The following PDZD2 variants were observed in gnomAD, a reference collection of about 807,000 sequenced individuals.
The protein encoded by PDZD2 is PDZ domain-containing protein 2.
A neutral mutation model predicts 220.7 loss-of-function variants in PDZD2; 90 were observed. The observed-to-expected ratio is 0.41, with a 90% confidence interval of 0.34 to 0.49. The LOEUF (loss-of-function observed/expected upper bound fraction) is 0.49, where lower values mean the gene tolerates loss of function less well. PDZD2 is among the 20% of genes least tolerant of loss of function. The pLI, the probability that PDZD2 is intolerant of heterozygous loss-of-function variation, is 0.28. For missense variants in PDZD2, 3,174 were observed against 3,608.5 expected (o/e 0.88, Z 3.08); for synonymous variants, 1,375 against 1,450.5 (o/e 0.95, Z 1.18).
intron 2 of PDZD2, among the ~76,000 whole-genome samples, chr5:31,968,301 T>G (rs138406097): frequency 6.6e-6 from 1 of 151,938 alleles, no homozygotes; most frequent in East Asian, 1.9e-4. Context: ...GAGGTTGCAG[T>G]GAGCCGAGAT....
chr5:31,921,482 G>A (rs1219219394), intron 2 of PDZD2, among the ~76,000 whole-genome samples: 1 of 152,002 alleles, frequency 6.6e-6, no homozygotes, highest in Non-Finnish European at 1.5e-5. Flanking sequence ...TTAGGAGTTC[G>A]AGACCAGCCT....
intron 2 of PDZD2, chr5:31,908,615 A>G (rs900960581): frequency 2.0e-5 from 20 of 1,019,620 alleles, no homozygotes; most frequent in Non-Finnish European, 2.3e-5. Context: ...AGAGAAGCCT[A>G]CAAGAAATAC....
chr5:32,102,103 T>A (rs1025631639), intron 24 of PDZD2, among the ~76,000 whole-genome samples: 4 of 151,978 alleles, frequency 2.6e-5, no homozygotes, highest in Non-Finnish European at 5.9e-5. Context: ...TGACCTATAG[T>A]GTTAATAGGA....
Position 31,921,106 on chromosome 5 carries a change from C to G in PDZD2, c.477-62049C>G, listed in dbSNP as rs142140050. On this transcript the variant is annotated intron_variant, in intron 2 of 24. Transcript: ENST00000438447. ...GCTCACTGTCTTTTCACAAAACATT[C>G]TGTCCCCCTTAAGAGGTTTCATGGA... 9.0e-3 allele frequency among the ~76,000 whole-genome samples: 1,371 copies of G among 152,306 alleles called. 17 individuals are homozygous for G. Among genetic ancestry groups the G allele is most frequent in the African/African-American group, 0.03 (1,255 of 41,558 alleles).
chr5:31,734,050 G>A (rs1749696257), intron 1 of PDZD2, among the ~76,000 whole-genome samples: 2 of 152,136 alleles, frequency 1.3e-5, no homozygotes, highest in Non-Finnish European at 2.9e-5. Context: ...TGTAAAATCA[G>A]AATTTCCAAA....
intron 1 of PDZD2, among the ~76,000 whole-genome samples, chr5:31,717,539 C>A (rs1748526469): frequency 1.3e-5 from 2 of 151,652 alleles, no homozygotes; most frequent in African/African-American, 4.9e-5. Context: ...CTTGTCCCTG[C>A]CTCCCTCCCC....
rs955506672 is a variant in PDZD2, at chr5:31,646,620, C to T, written c.-361+7183C>T. Among the ~76,000 whole-genome samples the T allele has an allele frequency of 1.3e-5, 2 of 152,198 alleles. No homozygotes were observed. Among genetic ancestry groups the T allele is most frequent in the Admixed American group, 6.5e-5 (1 of 15,274 alleles). The stretch of plus-strand genomic sequence containing the variant: ...CCCCCCACCACCCGCCCAACACCCT[C>T]TTTCTGGCACAGTGTGTTTTATGGA... On this transcript the variant is annotated intron_variant, in intron 1 of 24. Coordinates refer to ENST00000438447, the MANE Select transcript of PDZD2 (RefSeq NM_178140.4). This position sits in a 1 kb window ranked among gnomAD's most constrained non-coding sequence, Gnocchi z 4.7.
At chr5:31,828,514 G>A (rs1343723771) in intron 2 of PDZD2, among the ~76,000 whole-genome samples, 2 of 152,130 alleles carry the variant, frequency 1.3e-5, no homozygotes, top group Non-Finnish European at 2.9e-5. Flanking sequence ...TTAAGACAGG[G>A]TCTTCCGCTG....
chr5:31,845,997 G>A (rs560522563), intron 2 of PDZD2, among the ~76,000 whole-genome samples: 1 of 152,296 alleles, frequency 6.6e-6, no homozygotes, highest in African/African-American at 2.4e-5. Context: ...GTGTGCACTG[G>A]AAGATCACAA....
At chr5:31,910,278 G>A (rs949850341) in intron 2 of PDZD2, among the ~76,000 whole-genome samples, 1 of 133,514 alleles carries the variant, frequency 7.5e-6, no homozygotes, top group East Asian at 2.2e-4. Flanking sequence ...GGAGTACAAT[G>A]GTGTGACCTG....
chr5:31,800,456 C>T (rs1293134601), intron 2 of PDZD2, among the ~76,000 whole-genome samples: 1 of 152,174 alleles, frequency 6.6e-6, no homozygotes, highest in African/African-American at 2.4e-5. Flanking sequence ...ACCTGTGTGG[C>T]TGAGCTTAGC....
chr5:32,085,737 A>G (rs368760117), intron 19 of PDZD2, among the ~76,000 whole-genome samples: 27 of 152,064 alleles, frequency 1.8e-4, no homozygotes, highest in African/African-American at 6.3e-4. Context: ...GTGAGCCACC[A>G]TGCCCAGCCC....
At chr5:32,076,566 A>G (rs1433208105) in intron 18 of PDZD2, among the ~76,000 whole-genome samples, 4 of 152,066 alleles carry the variant, frequency 2.6e-5, no homozygotes, top group Non-Finnish European at 5.9e-5. Context: ...GGAAGAAAAA[A>G]CCTTCCTCTT....
At chr5:31,745,759 G>A (rs926559596) in intron 1 of PDZD2, among the ~76,000 whole-genome samples, 2 of 150,976 alleles carry the variant, frequency 1.3e-5, no homozygotes, top group African/African-American at 4.9e-5. Context: ...TGAATGTTCA[G>A]TGATCATCTT....
intron 1 of PDZD2, among the ~76,000 whole-genome samples, chr5:31,705,699 A>C (rs1580592935): frequency 6.6e-6 from 1 of 152,262 alleles, no homozygotes; most frequent in Non-Finnish European, 1.5e-5. Flanking sequence ...TAGAAATGGA[A>C]GAAATCAGGG....
At chr5:31,790,346 C>T (rs1353803909) in intron 1 of PDZD2, among the ~76,000 whole-genome samples, 2 of 152,230 alleles carry the variant, frequency 1.3e-5, no homozygotes, top group Non-Finnish European at 2.9e-5. Flanking sequence ...GATCCTCCCA[C>T]CTCGGCCTCC....
At chr5:31,753,776 C>T (rs10064729) in intron 1 of PDZD2, among the ~76,000 whole-genome samples, 4,606 of 152,258 alleles carry the variant, frequency 0.03, 207 homozygotes, top group African/African-American at 0.1. Flanking sequence ...TTTCAGGCAG[C>T]ATCACTGGGA....
intron 6 of PDZD2, among the ~76,000 whole-genome samples, chr5:32,020,006 TC>T (rs2112131462): frequency 6.6e-6 from 1 of 152,024 alleles, no homozygotes; most frequent in East Asian, 1.9e-4. Flanking sequence ...ATGTCTGTGG[TC>T]CACAAGCTGA....
At chr5:31,662,909 T>G (rs142946329) in intron 1 of PDZD2, among the ~76,000 whole-genome samples, 11 of 152,200 alleles carry the variant, frequency 7.2e-5, no homozygotes, top group Admixed American at 1.3e-4. Context: ...GGATTACAGG[T>G]GTGAGCCACC....
Sources: allele counts gnomAD v4.1 joint callset (sites outside exome capture counted in the v4.1 genomes callset), GRCh38; gene constraint gnomAD v4.1.1; non-coding constraint Gnocchi (gnomAD v3.1); transcripts MANE v1.5; gene names NCBI Gene and HGNC (gene_info 2026-07-23, HGNC 2026-07-21).